Variants in LRP2 observed in about 807,000 individuals in gnomAD.
LRP2 encodes LDL receptor related protein 2.
Under a neutral mutation model 531.0 loss-of-function variants are expected in LRP2, and 172 were observed. That is an observed-to-expected ratio of 0.32 (90% confidence interval 0.29 to 0.37). The LOEUF (loss-of-function observed/expected upper bound fraction) is 0.37. LRP2 is among the 10% of genes least tolerant of loss of function. The pLI is 1.00. For missense variants in LRP2, 5,167 were observed against 5,868.3 expected, an observed-to-expected ratio of 0.88 and a Z score of 3.90; for synonymous variants, 1,992 against 2,027.6, an observed-to-expected ratio of 0.98 and a Z score of 0.47.
In LRP2 at chr2:169,285,153, TAAAAA is replaced by T. The variant is rs58043794; in HGVS notation, c.1043-2157_1043-2153del. On this transcript the variant is annotated intron_variant, in intron 9 of 78. Coordinates refer to ENST00000649046, the MANE Select transcript of LRP2 (RefSeq NM_004525.3). Reference sequence around the variant, plus strand: ...GCAAGGGTTTATGTGTACTAAGAATTAAAAAAAAAAAAAAAAAAATTAGCCAGGCA... The same window carrying T: ...GCAAGGGTTTATGTGTACTAAGAATTAAAAAAAAAAAAAATTAGCCAGGCA... Among the ~76,000 whole-genome samples the T allele has an allele frequency of 7.1e-3, 950 of 134,684 alleles. 10 individuals carry two copies. The highest frequency in any genetic ancestry group is 0.024 in the African/African-American group (890 of 37,324). The allele number at this position is 134,684 out of a possible 152,430, so 88.4% of individuals were successfully genotyped here. A position where few individuals can be genotyped will look rare whatever the true frequency, so the allele number is the denominator to read the frequency against.
intron 1 of LRP2, among the ~76,000 whole-genome samples, chr2:169,327,704 G>A (rs1432431924): frequency 2.4e-5 from 3 of 126,760 alleles, no homozygotes; most frequent in Admixed American, 7.3e-5. Context: ...CCGGGAGGGA[G>A]GTGGGGGGAT....
At chr2:169,273,553 C>G (rs1683478097) in intron 14 of LRP2, among the ~76,000 whole-genome samples, 1 of 152,074 alleles carries the variant, frequency 6.6e-6, no homozygotes, top group Admixed American at 6.6e-5. Context: ...AATAACTTGC[C>G]CAACATTATT....
intron 58 of LRP2, among the ~76,000 whole-genome samples, chr2:169,171,452 T>C (rs918930801): frequency 1.3e-5 from 2 of 152,166 alleles, no homozygotes; most frequent in African/African-American, 4.8e-5. Flanking sequence ...CCCTATCCAA[T>C]GCCTTGTAGT....
Position 169,259,175 on chromosome 2 carries a change from C to G in LRP2, c.2363G>C (p.Ser788Thr). 3 of 1,613,312 alleles carry G rather than the reference C, an allele frequency of 1.9e-6. No homozygotes were observed. The highest frequency in any genetic ancestry group is 2.5e-6 in the Non-Finnish European group (3 of 1,179,556). Reference sequence around the variant, plus strand: ...CTTTGAAATCCAATCAAAAGCCAAACTTTCAACATTTTCCACCCTGTTAGC... The same window carrying G: ...CTTTGAAATCCAATCAAAAGCCAAAGTTTCAACATTTTCCACCCTGTTAGC... ...LAANRVENVE[S>T]LAFDWISKNL... The change falls in exon 17 of 79, where the codon AGT becomes ACT. Residue 788 changes from serine (S) to threonine (T), a missense_variant. Physicochemically the swap from Ser to Thr is moderately conservative, Grantham distance 58. Coordinates refer to ENST00000649046, the MANE Select transcript of LRP2 (RefSeq NM_004525.3).
At chr2:169,237,933 T>C (rs1689664307) in intron 27 of LRP2, among the ~76,000 whole-genome samples, 158 bp downstream of exon 27, 2 of 152,138 alleles carry the variant, frequency 1.3e-5, no homozygotes, top group South Asian at 2.1e-4. Flanking sequence ...CATAAATTCG[T>C]AGTTATGAAC....
chr2:169,132,544 C>A (rs760608464), intron 77 of LRP2, 30 bp downstream of exon 77: 1 of 1,316,312 alleles, frequency 7.6e-7, no homozygotes, highest in South Asian at 1.2e-5. Flanking sequence ...TTCCAAATCC[C>A]ACATTATTTC....
chr2:169,205,353 G>C (rs1688339736), intron 41 of LRP2, 126 bp downstream of exon 41: 1 of 1,034,196 alleles, frequency 9.7e-7, no homozygotes, highest in Non-Finnish European at 1.5e-6. Context: ...CTAAAACTGT[G>C]ATTCTATATT....
intron 48 of LRP2, among the ~76,000 whole-genome samples, chr2:169,188,896 C>T (rs1395592435): frequency 6.6e-6 from 1 of 152,172 alleles, no homozygotes; most frequent in African/African-American, 2.4e-5. Flanking sequence ...TACACTCCTG[C>T]CATCTATCAT....
At chr2:169,174,585 C>A (rs1450267565) in intron 55 of LRP2, among the ~76,000 whole-genome samples, 3 of 152,212 alleles carry the variant, frequency 2.0e-5, no homozygotes, top group Non-Finnish European at 4.4e-5. Flanking sequence ...TCTCGGCTCA[C>A]TGCAGCCTCA....
chr2:169,274,940 T>C (rs1683513043), intron 14 of LRP2, 96 bp downstream of exon 14: 1 of 1,219,002 alleles, frequency 8.2e-7, no homozygotes. Flanking sequence ...GCCACCCAAA[T>C]CACATAAGAC....
chr2:169,136,334 G>A (rs1420795253), intron 76 of LRP2, among the ~76,000 whole-genome samples: 1 of 148,362 alleles, frequency 6.7e-6, no homozygotes, highest in African/African-American at 2.5e-5. Context: ...TTTTTTCTTT[G>A]CCCCAACACT....
At chr2:169,258,321 T>C (rs2105409926) in intron 17 of LRP2, among the ~76,000 whole-genome samples, 1 of 152,258 alleles carries the variant, frequency 6.6e-6, no homozygotes, top group East Asian at 1.9e-4. Context: ...ACATACCTCC[T>C]TCACAAACTA....
At chr2:169,176,346 C>T in intron 54 of LRP2, 65 bp downstream of exon 54, 1 of 1,594,572 alleles carries the variant, frequency 6.3e-7, no homozygotes, top group Non-Finnish European at 8.6e-7. Context: ...TCCCTTGGAG[C>T]CTTGAAGGTC....
chr2:169,226,239 G>T (rs181064397), intron 32 of LRP2, among the ~76,000 whole-genome samples, 183 bp downstream of exon 32: 1 of 152,284 alleles, frequency 6.6e-6, no homozygotes, highest in Admixed American at 6.5e-5. Context: ...AGAGTGTTAT[G>T]ATTTTTGCTC....
rs1052601779 is a variant in LRP2, at chr2:169,128,047, G to C, written c.*616C>G. 1.3e-5 allele frequency: 2 copies of C among 153,206 alleles called. No homozygotes were observed. Among genetic ancestry groups the C allele is most frequent in the African/African-American group, 4.8e-5 (2 of 41,448 alleles). 9.5% of individuals were successfully genotyped at this position (153,206 alleles called of 1,614,324 possible). A position where few individuals can be genotyped will look rare whatever the true frequency, so the allele number is the denominator to read the frequency against. ...TCTGGTTAGACAATGCCAACACACA[G>C]AAGGGCCAAACTGAATTGCTTTTCC... On this transcript the variant is annotated 3_prime_UTR_variant, in exon 79 of 79. Coordinates refer to ENST00000649046, the MANE Select transcript of LRP2 (RefSeq NM_004525.3).
At chr2:169,335,694 G>A (rs1043541032) in intron 1 of LRP2, among the ~76,000 whole-genome samples, 7 of 152,166 alleles carry the variant, frequency 4.6e-5, no homozygotes, top group Non-Finnish European at 8.8e-5. Flanking sequence ...CAGGACCCAC[G>A]TTTAAAAGAA....
At chr2:169,314,929 AG>A (rs1266418757) in intron 3 of LRP2, among the ~76,000 whole-genome samples, 19 of 152,220 alleles carry the variant, frequency 1.2e-4, no homozygotes, top group Non-Finnish European at 2.5e-4. Context: ...ATTCCCGAGA[AG>A]GCAAGTCATG....
intron 31 of LRP2, among the ~76,000 whole-genome samples, chr2:169,228,393 A>C (rs1420843941): frequency 6.6e-6 from 1 of 151,218 alleles, no homozygotes; most frequent in African/African-American, 2.4e-5. Flanking sequence ...TTATTTATTG[A>C]TTATCTGTTA....
chr2:169,146,539 C>T (rs764576862), intron 69 of LRP2, among the ~76,000 whole-genome samples, 200 bp downstream of exon 69: 13 of 151,640 alleles, frequency 8.6e-5, no homozygotes, highest in Non-Finnish European at 1.6e-4. Context: ...GTAAAAAGGA[C>T]GAAAAGGATT....
Sources: gnomAD v4.1 joint callset for allele counts (sites outside exome capture counted in the v4.1 genomes callset) on GRCh38, gnomAD v4.1.1 for gene constraint, MANE v1.5 for transcripts, NCBI Gene and HGNC (gene_info 2026-07-23, HGNC 2026-07-21) for gene names.